Variants in PTPRO observed in about 807,000 individuals in gnomAD.
The protein encoded by PTPRO is receptor-type tyrosine-protein phosphatase O.
A neutral mutation model predicts 145.2 loss-of-function variants in PTPRO; 62 were observed. The ratio of observed to expected loss-of-function variants is 0.43; its 90% confidence interval spans 0.35 to 0.53. The LOEUF is 0.53. Ranked by LOEUF, PTPRO falls within the 20% of genes least tolerant of loss-of-function variation. The pLI is 0.01. For synonymous variants in PTPRO, 565 were observed against 514.7 expected (o/e 1.10, Z -1.32); for missense variants, 1,345 against 1,482.7 (o/e 0.91, Z 1.53).
intron 1 of PTPRO, among the ~76,000 whole-genome samples, chr12:15,349,353 G>A (rs1031512612): frequency 1.3e-5 from 2 of 152,144 alleles, no homozygotes; most frequent in Non-Finnish European, 2.9e-5. Flanking sequence ...GTGACATGAG[G>A]ACTTGTTTGT....
chr12:15,498,518 A>C (rs1353242475), intron 3 of PTPRO, among the ~76,000 whole-genome samples: 1 of 152,198 alleles, frequency 6.6e-6, no homozygotes, highest in Non-Finnish European at 1.5e-5. Context: ...AAATCACATG[A>C]CTGCACTCCA....
At chr12:15,467,429 T>TGTGTGTGC (rs1941441786) in intron 1 of PTPRO, among the ~76,000 whole-genome samples, 1 of 151,740 alleles carries the variant, frequency 6.6e-6, no homozygotes, top group African/African-American at 2.4e-5. Context: ...TGTGTGTGTG[T>TGTGTGTGC]GTATGTGTGT....
chr12:15,345,394 G>A (rs1347698082), intron 1 of PTPRO, among the ~76,000 whole-genome samples: 1 of 152,168 alleles, frequency 6.6e-6, no homozygotes, highest in Admixed American at 6.5e-5. Context: ...TGAAGAAAAT[G>A]TGGCACATAT....
chr12:15,343,340 T>A (rs1041034845), intron 1 of PTPRO, among the ~76,000 whole-genome samples: 1 of 152,140 alleles, frequency 6.6e-6, no homozygotes, highest in African/African-American at 2.4e-5. Context: ...CTCAAACATT[T>A]GCATTTTACG....
chr12:15,586,784 GA>G lies in PTPRO; in HGVS notation c.3256-112del, dbSNP rs971842481. 4.5e-5 allele frequency: 53 copies of G among 1,178,136 alleles called. No individual in the cohort carries two copies. In the African/African-American group the frequency reaches 7.9e-4, roughly 18 times the overall value. The allele number at this position is 1,178,136 out of a possible 1,614,324, so 73.0% of individuals were successfully genotyped here. A position where few individuals can be genotyped will look rare whatever the true frequency, so the allele number is the denominator to read the frequency against. On this transcript the variant is annotated intron_variant, in intron 23 of 26. Coordinates refer to ENST00000281171, the MANE Select transcript of PTPRO (RefSeq NM_030667.3). ...TCAAAGCTGGAAAGGAAAGTGTACT[GA>G]CCAGGAGTGGAACGTGGCTCTACCT...
intron 1 of PTPRO, among the ~76,000 whole-genome samples, chr12:15,400,342 C>T (rs2136298169): frequency 6.6e-6 from 1 of 152,180 alleles, no homozygotes; most frequent in South Asian, 2.1e-4. Context: ...CCTACAAAAC[C>T]CTGTGTGATG....
chr12:15,498,448 C>T (rs1400132031), intron 3 of PTPRO, among the ~76,000 whole-genome samples: 1 of 152,136 alleles, frequency 6.6e-6, no homozygotes, highest in African/African-American at 2.4e-5. Flanking sequence ...GTCCCAGATA[C>T]TCAGGAGGCT....
rs139798893 is a variant in PTPRO at position 15,526,779 on chromosome 12, C to A, written c.2164+517C>A. Among the ~76,000 whole-genome samples the A allele has an allele frequency of 6.8e-3, 1,030 of 151,966 alleles. 14 individuals carry two copies. Among genetic ancestry groups the A allele is most frequent in the African/African-American group, 0.024 (988 of 41,452 alleles). On this transcript the variant is annotated intron_variant, in intron 12 of 26. Transcript: ENST00000281171. ...GGTCAGACACAACTACTCTAAAAGACATAATGAAATTACCTGATGCCTAGA... is the reference window on the plus strand; with the variant it reads ...GGTCAGACACAACTACTCTAAAAGAAATAATGAAATTACCTGATGCCTAGA...
At chr12:15,513,177 GAAAGAAA>G (rs2136494665) in intron 7 of PTPRO, among the ~76,000 whole-genome samples, 2 of 84,782 alleles carry the variant, frequency 2.4e-5, no homozygotes, top group South Asian at 8.7e-4. Context: ...AAGAAAGAAA[GAAAGAAA>G]GAAAGAAAGA....
chr12:15,532,944 T>C (rs964403734), intron 12 of PTPRO, among the ~76,000 whole-genome samples: 1 of 152,172 alleles, frequency 6.6e-6, no homozygotes, highest in African/African-American at 2.4e-5. Context: ...GGTTTTTCAG[T>C]CTCCCTTAAA....
chr12:15,586,817 A>C, intron 23 of PTPRO, 80 bp from the exon 24 acceptor site: 2 of 1,543,800 alleles, frequency 1.3e-6, no homozygotes, highest in Admixed American at 1.7e-5. Flanking sequence ...ACCTTTTTGC[A>C]TGCTTAACTA....
At position 15,352,435 on chromosome 12, in the gene PTPRO, G is replaced by A. The variant is rs542185507; in HGVS notation, c.75+29634G>A. Among the ~76,000 whole-genome samples the A allele has an allele frequency of 3.3e-5, 5 of 152,186 alleles. No individual in the cohort carries two copies. In the East Asian group the frequency reaches 9.7e-4, roughly 29 times the overall value. On this transcript the variant is annotated intron_variant, in intron 1 of 26. Transcript: ENST00000281171. Reference sequence around the variant, plus strand: ...GGAGGCCAAGGTGGGCGGATCACGAGGTCAGGAGATCTAGACCATCTTGGC... The same window carrying A: ...GGAGGCCAAGGTGGGCGGATCACGAAGTCAGGAGATCTAGACCATCTTGGC...
chr12:15,397,651 GTCCT>G, intron 1 of PTPRO, among the ~76,000 whole-genome samples: 1 of 152,124 alleles, frequency 6.6e-6, no homozygotes, highest in African/African-American at 2.4e-5. Context: ...TGTGGCTTTG[GTCCT>G]GGTTCATGTA....
At chr12:15,346,458 C>T (rs137955840) in intron 1 of PTPRO, 1 of 152,184 alleles carries the variant, frequency 6.6e-6, no homozygotes, top group African/African-American at 2.4e-5. Flanking sequence ...CTCCCACATG[C>T]AGAGCTGCAA....
At chr12:15,467,257 G>T (rs976803620) in intron 1 of PTPRO, among the ~76,000 whole-genome samples, 1 of 152,010 alleles carries the variant, frequency 6.6e-6, no homozygotes, top group South Asian at 2.1e-4. Context: ...TTCTGGATCC[G>T]TGTATCCCAT....
At chr12:15,496,395 A>G (rs746859245) in intron 2 of PTPRO, among the ~76,000 whole-genome samples, 13 of 151,862 alleles carry the variant, frequency 8.6e-5, no homozygotes, top group Non-Finnish European at 1.8e-4. Flanking sequence ...ACCCGCCTTG[A>G]CCTTCCACAA....
chr12:15,512,015 G>A (rs1348035374), intron 7 of PTPRO, among the ~76,000 whole-genome samples: 1 of 152,092 alleles, frequency 6.6e-6, no homozygotes, highest in East Asian at 1.9e-4. Context: ...ATTCTAAATA[G>A]GCAAAATGGG....
intron 1 of PTPRO, among the ~76,000 whole-genome samples, chr12:15,435,438 C>A (rs1190218657): frequency 1.2e-4 from 18 of 152,022 alleles, no homozygotes; most frequent in Non-Finnish European, 2.6e-4. Flanking sequence ...TCAAAAATAA[C>A]TTATTTATTA....
intron 6 of PTPRO, among the ~76,000 whole-genome samples, chr12:15,504,284 T>C (rs75315767): frequency 2.0e-5 from 3 of 149,026 alleles, no homozygotes; most frequent in Non-Finnish European, 4.5e-5. Context: ...AACTTGAGGA[T>C]TTTTTTTTTA....
Sources: gnomAD v4.1 joint callset for allele counts (sites outside exome capture counted in the v4.1 genomes callset) on GRCh38, gnomAD v4.1.1 for gene constraint, MANE v1.5 for transcripts, NCBI Gene and HGNC (gene_info 2026-07-23, HGNC 2026-07-21) for gene names.